MEGF6: variants seen among roughly 807,000 people sequenced by gnomAD.
MEGF6 encodes multiple EGF like domains 6.
MEGF6 carries 184 observed loss-of-function variants against 207.1 expected under a neutral mutation model. The observed-to-expected ratio is 0.89, with a 90% confidence interval of 0.79 to 1.00. The LOEUF (loss-of-function observed/expected upper bound fraction) is 1.00, where lower values mean the gene tolerates loss of function less well. Ranked by LOEUF, MEGF6 falls within the 50% of genes least tolerant of loss-of-function variation. The pLI, the probability that MEGF6 is intolerant of heterozygous loss-of-function variation, is 0.00. For missense variants in MEGF6, 2,282 were observed against 2,202.9 expected, an observed-to-expected ratio of 1.04 and a Z score of -0.72; for synonymous variants, 1,038 against 910.0, an observed-to-expected ratio of 1.14 and a Z score of -2.53.
Position 3,566,593 on chromosome 1 carries a change from G to A in MEGF6, c.481+13232C>T, listed in dbSNP as rs528129439. On this transcript the variant is annotated intron_variant, in intron 4 of 36. Transcript: ENST00000356575. Reference sequence around the variant, plus strand: ...CTGGGCAGCGTCACAGGCAGACCTCGAGGACCAGCCGCTCGGCCCATCAGA... The same window carrying A: ...CTGGGCAGCGTCACAGGCAGACCTCAAGGACCAGCCGCTCGGCCCATCAGA... Among the ~76,000 whole-genome samples the A allele has an allele frequency of 3.3e-5, 5 of 152,256 alleles. No homozygotes were observed. The South Asian group carries it at 6.2e-4, about 19-fold the overall frequency.
intron 4 of MEGF6, among the ~76,000 whole-genome samples, chr1:3,534,113 G>A (rs1345329794): frequency 6.6e-6 from 1 of 152,124 alleles, no homozygotes; most frequent in African/African-American, 2.4e-5. Flanking sequence ...CGGAGTCTAC[G>A]GCCAGCCGGA....
At chr1:3,525,628 G>C (rs983380149) in intron 4 of MEGF6, among the ~76,000 whole-genome samples, 21 of 152,168 alleles carry the variant, frequency 1.4e-4, no homozygotes, top group African/African-American at 4.8e-4. Flanking sequence ...CCGTGGCACA[G>C]GCCACAGGGA....
rs1050947433 is a variant in MEGF6 at position 3,595,146 on chromosome 1, C to T, written c.376+192G>A. Reference sequence around the variant, plus strand: ...CCACCCGGCCCCAGCTCTCTCTTTCCGCAGCTCTGCCAGCCTCGCTGACGT... The same window carrying T: ...CCACCCGGCCCCAGCTCTCTCTTTCTGCAGCTCTGCCAGCCTCGCTGACGT... On this transcript the variant is annotated intron_variant, in intron 3 of 36. Coordinates refer to ENST00000356575, the MANE Select transcript of MEGF6 (RefSeq NM_001409.4). Among the ~76,000 whole-genome samples the T allele has an allele frequency of 5.9e-5, 9 of 152,380 alleles. No individual in the cohort carries two copies. In the South Asian group the frequency reaches 6.2e-4, roughly 11 times the overall value.
At chr1:3,589,805 CTTCT>C (rs1390153190) in intron 3 of MEGF6, among the ~76,000 whole-genome samples, 1 of 152,224 alleles carries the variant, frequency 6.6e-6, no homozygotes, top group Non-Finnish European at 1.5e-5. Flanking sequence ...GACTTTGTGG[CTTCT>C]TTATTTTCCT....
At chr1:3,529,565 A>C (rs138278468) in intron 4 of MEGF6, among the ~76,000 whole-genome samples, 5 of 152,294 alleles carry the variant, frequency 3.3e-5, no homozygotes, top group Non-Finnish European at 5.9e-5. Flanking sequence ...GAGACTATGG[A>C]CTTTGGCAGC....
At chr1:3,598,216 G>T (rs2101860764) in intron 2 of MEGF6, among the ~76,000 whole-genome samples, 1 of 152,262 alleles carries the variant, frequency 6.6e-6, no homozygotes, top group Admixed American at 6.5e-5. Flanking sequence ...GCCGTCTCTG[G>T]GTAACAAAAC....
intron 4 of MEGF6, among the ~76,000 whole-genome samples, chr1:3,544,946 A>G (rs1371306209): frequency 6.6e-6 from 1 of 152,184 alleles, no homozygotes; most frequent in Non-Finnish European, 1.5e-5. Context: ...GTCACCGGAC[A>G]GTGACCCGCC....
intron 17 of MEGF6, among the ~76,000 whole-genome samples, chr1:3,504,130 TG>T (rs1389336507): frequency 6.6e-6 from 1 of 150,514 alleles, no homozygotes; most frequent in East Asian, 1.9e-4. Flanking sequence ...AGGAGGGGGC[TG>T]GCCCCAGGGG....
chr1:3,524,251 G>A lies in MEGF6; in HGVS notation c.482-5C>T. On this transcript the variant is annotated splice_polypyrimidine_tract_variant and splice_region_variant and intron_variant, in intron 4 of 36. Coordinates refer to ENST00000356575, the MANE Select transcript of MEGF6 (RefSeq NM_001409.4). ...GGGTTCGGCATTCGTCCACATCTGAGCAGGAATGGGGAAGGATCAGCAGCT... is the reference window on the plus strand; with the variant it reads ...GGGTTCGGCATTCGTCCACATCTGAACAGGAATGGGGAAGGATCAGCAGCT... 1.2e-6 allele frequency: 2 copies of A among 1,608,462 alleles called. No homozygotes were observed. Among genetic ancestry groups the A allele is most frequent in the Non-Finnish European group, 1.7e-6 (2 of 1,176,214 alleles).
chr1:3,541,191 T>C (rs1642503718), intron 4 of MEGF6, among the ~76,000 whole-genome samples: 1 of 152,208 alleles, frequency 6.6e-6, no homozygotes, highest in African/African-American at 2.4e-5. Flanking sequence ...AAATCCCCCA[T>C]GGCACTGCCC....
intron 1 of MEGF6, among the ~76,000 whole-genome samples, chr1:3,605,535 C>T (rs1644233909): frequency 8.1e-6 from 1 of 122,936 alleles, no homozygotes; most frequent in Non-Finnish European, 1.7e-5. Context: ...CACTCACACA[C>T]AATCACACAT....
At chr1:3,591,647 A>G (rs7545793) in intron 3 of MEGF6, among the ~76,000 whole-genome samples, 2,352 of 119,002 alleles carry the variant, frequency 0.02, 28 homozygotes, top group South Asian at 0.056. Context: ...CCAAGGTCTC[A>G]GAGCTCACAA....
At chr1:3,614,251 G>T (rs1397225213), upstream of MEGF6, among the ~76,000 whole-genome samples, 1 of 152,132 alleles carries the variant, frequency 6.6e-6, no homozygotes, top group African/African-American at 2.4e-5. Flanking sequence ...CTAAGCCCAG[G>T]TCCTCTGCCC....
rs775879399 is a variant in MEGF6, at chr1:3,602,525, C to T, written c.207G>A (p.Thr69=). The change falls in exon 2 of 37, where the codon ACG becomes ACA. Residue 69 remains threonine, a synonymous_variant. Coordinates refer to ENST00000356575, the MANE Select transcript of MEGF6 (RefSeq NM_001409.4). ...RQPCVQALSH[T]VPVWKAGCGW... is the part of the protein sequence containing the mutation. ...CACAGCCGGCCTTCCACACCGGCACCGTGTGGCTTAAGGCCTGCACGCACG... is the reference window on the plus strand; with the variant it reads ...CACAGCCGGCCTTCCACACCGGCACTGTGTGGCTTAAGGCCTGCACGCACG... 1.4e-5 allele frequency: 22 copies of T among 1,613,202 alleles called. No homozygotes were observed. Among genetic ancestry groups the T allele is most frequent in the South Asian group, 2.2e-5 (2 of 91,074 alleles).
chr1:3,606,357 C>G (rs1215948652), intron 1 of MEGF6, among the ~76,000 whole-genome samples: 1 of 152,218 alleles, frequency 6.6e-6, no homozygotes, highest in Admixed American at 6.5e-5. Context: ...CCAGGGGATG[C>G]TGGAGCACAC....
chr1:3,500,969 T>G lies in MEGF6; in HGVS notation c.2572A>C (p.Arg858=). 1 of 1,611,614 alleles carries G rather than the reference T, an allele frequency of 6.2e-7. No individual in the cohort carries two copies. Among genetic ancestry groups the G allele is most frequent in the African/African-American group, 1.3e-5 (1 of 74,994 alleles). ...APGWTGFSCQ[R]ACDTGHWGPD... ...GGCAAGCCAAGGGCCCCCGTACCTC[T>G]CTGGCAGCTAAAGCCGGTCCACCCG... The change falls in exon 20 of 37, where the codon AGA becomes CGA. Residue 858 remains arginine (R), a synonymous_variant. Coordinates refer to ENST00000356575, the MANE Select transcript of MEGF6 (RefSeq NM_001409.4).
At chr1:3,551,077 C>T (rs573925300) in intron 4 of MEGF6, among the ~76,000 whole-genome samples, 1 of 152,352 alleles carries the variant, frequency 6.6e-6, no homozygotes, top group South Asian at 2.1e-4. Context: ...GCCATGTGGC[C>T]AGGCAGCTCC....
intron 36 of MEGF6, 68 bp from the exon 37 acceptor site, chr1:3,490,657 GGGTT>G (rs1640314813): frequency 6.5e-7 from 1 of 1,546,652 alleles, no homozygotes; most frequent in African/African-American, 1.4e-5. Context: ...ACTGGGTTCT[GGGTT>G]GGCACCTCTC....
Position 3,497,271 on chromosome 1 carries a change from C to T in MEGF6, c.3443G>A (p.Arg1148His), listed in dbSNP as rs201618315. 3.1e-5 allele frequency: 48 copies of T among 1,547,334 alleles called. No homozygotes were observed. The highest frequency in any genetic ancestry group is 4.1e-5 in the African/African-American group (3 of 72,486). The change falls in exon 27 of 37, where the codon CGC becomes CAC. Residue 1148 changes from arginine (R) to histidine (H), a missense_variant. Transcript: ENST00000356575. The stretch of plus-strand genomic sequence containing the variant: ...GGAGCCAGTGAAGCCAGGGGGACAG[C>T]GGCAGGCCCCAGTGACGTGGTGGCA... The part of the protein sequence containing the change: ...AACHHVTGAC[R>H]CPPGFTGSGC...
Sources: gnomAD v4.1 joint callset for allele counts (sites outside exome capture counted in the v4.1 genomes callset) on GRCh38, gnomAD v4.1.1 for gene constraint, MANE v1.5 for transcripts, NCBI Gene and HGNC (gene_info 2026-07-23, HGNC 2026-07-21) for gene names.